The following NEGR1 variants were observed in gnomAD, a reference collection of about 807,000 sequenced individuals.
NEGR1 encodes neuronal growth regulator 1, also known as IgLON family member 4.
Under a neutral mutation model 40.9 loss-of-function variants are expected in NEGR1, and 10 were observed. The ratio of observed to expected loss-of-function variants is 0.24; its 90% confidence interval spans 0.15 to 0.42. The LOEUF (loss-of-function observed/expected upper bound fraction) is 0.42. NEGR1 is among the 10% of genes least tolerant of loss of function. NEGR1 has a pLI of 1.00. For missense variants in NEGR1, 352 were observed against 438.9 expected, an observed-to-expected ratio of 0.80 and a Z score of 1.77; for synonymous variants, 185 against 166.8, an observed-to-expected ratio of 1.11 and a Z score of -0.84.
intron 4 of NEGR1, among the ~76,000 whole-genome samples, chr1:71,634,017 T>G (rs1651060980): frequency 6.6e-6 from 1 of 152,062 alleles, no homozygotes; most frequent in Non-Finnish European, 1.5e-5. Flanking sequence ...GATATAGGTT[T>G]TGGGATGGAT....
intron 1 of NEGR1, among the ~76,000 whole-genome samples, chr1:72,024,703 G>A (rs1292387952): frequency 1.3e-5 from 2 of 152,150 alleles, no homozygotes; most frequent in African/African-American, 2.4e-5. Context: ...CCACAGCCAC[G>A]TAATACTTAA....
chr1:71,929,133 T>A (rs1181784903), intron 2 of NEGR1, among the ~76,000 whole-genome samples: 1 of 152,106 alleles, frequency 6.6e-6, no homozygotes, highest in African/African-American at 2.4e-5. Flanking sequence ...TGTAGCTTTG[T>A]TATCTAGTTA....
chr1:71,866,871 A>G (rs1660129127), intron 2 of NEGR1, among the ~76,000 whole-genome samples: 1 of 152,308 alleles, frequency 6.6e-6, no homozygotes, highest in East Asian at 1.9e-4. Context: ...AAAGCTATGA[A>G]TTTATTAAGT....
intron 6 of NEGR1, among the ~76,000 whole-genome samples, chr1:71,413,195 C>T (rs1646334497): frequency 1.3e-5 from 2 of 152,230 alleles, no homozygotes; most frequent in South Asian, 4.1e-4. Flanking sequence ...GTGTTGTTAT[C>T]TATAAACCAC....
chr1:72,255,767 T>C (rs1655253725), intron 1 of NEGR1, among the ~76,000 whole-genome samples: 1 of 151,648 alleles, frequency 6.6e-6, no homozygotes, highest in Admixed American at 6.6e-5. Context: ...GCCAGGATGG[T>C]CTCTATCTCC....
At chr1:71,716,787 T>A (rs1654293063) in intron 3 of NEGR1, among the ~76,000 whole-genome samples, 1 of 152,188 alleles carries the variant, frequency 6.6e-6, no homozygotes, top group South Asian at 2.1e-4. Flanking sequence ...CTGGCCTTTC[T>A]ACATTCTATC....
chr1:72,005,553 T>C (rs1454025928), intron 1 of NEGR1, among the ~76,000 whole-genome samples: 1 of 152,244 alleles, frequency 6.6e-6, no homozygotes, highest in East Asian at 1.9e-4. Flanking sequence ...TCCAGATTTG[T>C]ATTTATTTGA....
At chr1:72,208,000 T>C (rs1653471660) in intron 1 of NEGR1, among the ~76,000 whole-genome samples, 1 of 151,658 alleles carries the variant, frequency 6.6e-6, no homozygotes, top group African/African-American at 2.4e-5. Context: ...ATAAGTAAAC[T>C]GACACAATTC....
chr1:71,586,610 A>G (rs1030086245), intron 6 of NEGR1, among the ~76,000 whole-genome samples: 2 of 152,144 alleles, frequency 1.3e-5, no homozygotes, highest in Non-Finnish European at 2.9e-5. Context: ...GGTGACCTGG[A>G]GCACCATAAA....
intron 1 of NEGR1, among the ~76,000 whole-genome samples, chr1:72,017,234 C>G (rs1032168262): frequency 6.6e-6 from 1 of 151,142 alleles, no homozygotes; most frequent in Non-Finnish European, 1.5e-5. Flanking sequence ...TGTCAGTTGA[C>G]AAAAAACAAG....
At chr1:72,264,036 CTA>C (rs1175787590) in intron 1 of NEGR1, among the ~76,000 whole-genome samples, 1 of 151,280 alleles carries the variant, frequency 6.6e-6, no homozygotes, top group African/African-American at 2.4e-5. Flanking sequence ...GTATCACTAA[CTA>C]TGACAGGCAT....
chr1:72,015,324 ACTT>A (rs532280275), intron 1 of NEGR1, among the ~76,000 whole-genome samples: 196 of 152,048 alleles, frequency 1.3e-3, no homozygotes, highest in Non-Finnish European at 2.3e-3. Context: ...TTAGCGTGGC[ACTT>A]CTTCTAAAAA....
intron 2 of NEGR1, among the ~76,000 whole-genome samples, chr1:71,776,811 G>C (rs1656527825): frequency 6.6e-6 from 1 of 152,086 alleles, no homozygotes; most frequent in Admixed American, 6.6e-5. Context: ...TTTTCTATCT[G>C]CCAGGTAGTA....
At chr1:72,241,553 C>T (rs1206795592) in intron 1 of NEGR1, among the ~76,000 whole-genome samples, 1 of 151,618 alleles carries the variant, frequency 6.6e-6, no homozygotes, top group Non-Finnish European at 1.5e-5. Flanking sequence ...ACAGAGTCCA[C>T]AAATCCTTTT....
chr1:71,699,702 CA>C (rs951264288), intron 3 of NEGR1, among the ~76,000 whole-genome samples: 3 of 151,744 alleles, frequency 2.0e-5, no homozygotes, highest in African/African-American at 7.3e-5. Flanking sequence ...TTGGAGGGGT[CA>C]GGGGCAGAAT....
At chr1:71,959,882 TTAAA>T (rs902106373) in intron 1 of NEGR1, among the ~76,000 whole-genome samples, 1 of 152,088 alleles carries the variant, frequency 6.6e-6, no homozygotes, top group African/African-American at 2.4e-5. Context: ...GACAACGTTG[TTAAA>T]TAAATAAGAA....
chr1:71,978,698 A>C (rs1646328745), intron 1 of NEGR1, among the ~76,000 whole-genome samples: 1 of 152,204 alleles, frequency 6.6e-6, no homozygotes, highest in Non-Finnish European at 1.5e-5. Context: ...TTAAAAAATC[A>C]AAAATAACAT....
Position 71,407,482 on chromosome 1 carries a change from G to A in NEGR1, c.1029C>T (p.Thr343=). ...WYLVLTLSSF[T]SIFYLKNAIL... ...TGGCATTCTTCAGGTAGAATATGCT[G>A]GTGAAAGAGGACAGTGTCAACACAA... Residue 343 remains threonine, a synonymous_variant, in exon 7 of 7, where the codon ACC becomes ACT. Coordinates refer to ENST00000357731, the MANE Select transcript of NEGR1 (RefSeq NM_173808.3). 1 of 1,612,070 alleles carries A rather than the reference G, an allele frequency of 6.2e-7. No individual in the cohort carries two copies. Among genetic ancestry groups the A allele is most frequent in the Non-Finnish European group, 8.5e-7 (1 of 1,178,402 alleles).
chr1:71,458,386 C>T (rs1455174043), intron 6 of NEGR1, among the ~76,000 whole-genome samples: 1 of 152,232 alleles, frequency 6.6e-6, no homozygotes, highest in African/African-American at 2.4e-5. Flanking sequence ...ACTCACATCA[C>T]TTGTAGGCTC....
Sources: allele counts gnomAD v4.1 joint callset (sites outside exome capture counted in the v4.1 genomes callset), GRCh38; gene constraint gnomAD v4.1.1; transcripts MANE v1.5; gene names NCBI Gene and HGNC (gene_info 2026-07-23, HGNC 2026-07-21).